The following ADGRF1 variants were observed in gnomAD, a reference collection of about 807,000 sequenced individuals.
ADGRF1 encodes adhesion G protein-coupled receptor F1.
ADGRF1 carries 85 observed loss-of-function variants against 87.2 expected under a neutral mutation model. The observed-to-expected ratio is 0.97, with a 90% CI of 0.82 to 1.17. The LOEUF (loss-of-function observed/expected upper bound fraction) is 1.17, where lower values mean the gene tolerates loss of function less well. Ranked by LOEUF, ADGRF1 falls within the 50% of genes most tolerant of loss-of-function variation. The probability of loss-of-function intolerance (pLI) is 0.00; values close to 1 mark genes in which losing one functional copy is unlikely to be tolerated. For missense variants in ADGRF1, 1,169 were observed against 1,077.2 expected (o/e 1.09, Z -1.19); for synonymous variants, 430 against 408.8 (o/e 1.05, Z -0.63).
intron 1 of ADGRF1, among the ~76,000 whole-genome samples, chr6:47,031,787 T>G (rs1183032191): frequency 6.6e-6 from 1 of 152,060 alleles, no homozygotes; most frequent in South Asian, 2.1e-4. Flanking sequence ...GGTGCAGTGG[T>G]GTAGTCATGG....
intron 7 of ADGRF1, chr6:47,018,490 A>G (rs1182941237): frequency 4.3e-5 from 55 of 1,289,652 alleles, no homozygotes; most frequent in Non-Finnish European, 5.6e-5. Context: ...CTTTGTATTG[A>G]TATGTCCATT....
At chr6:47,030,074 A>C (rs1020527644) in intron 1 of ADGRF1, among the ~76,000 whole-genome samples, 2 of 152,214 alleles carry the variant, frequency 1.3e-5, no homozygotes, top group Non-Finnish European at 2.9e-5. Context: ...AGGGCTCTCC[A>C]TCCAGCCCTT....
intron 3 of ADGRF1, 21 bp downstream of exon 3, chr6:47,027,683 T>G: frequency 6.3e-7 from 1 of 1,577,074 alleles, no homozygotes; most frequent in Non-Finnish European, 8.7e-7. Context: ...CACTGCACCA[T>G]GCTGTCTAAC....
In ADGRF1 at chr6:47,002,399, A is replaced by C. The variant is rs76755473; in HGVS notation, c.2593-832T>G. 5.7e-4 allele frequency among the ~76,000 whole-genome samples: 87 copies of C among 152,294 alleles called. 2 individuals are homozygous for C. In the East Asian group the frequency reaches 0.013, roughly 22 times the overall value. On this transcript the variant is annotated intron_variant, in intron 13 of 14. Coordinates refer to ENST00000371253, the MANE Select transcript of ADGRF1 (RefSeq NM_153840.4). ...CTGAGTTCTGAAAAAAAAAAGCTAC[A>C]AAAATAAGAATTAAAAATATTTGAA... is the stretch of plus-strand genomic sequence containing the variant.
At chr6:47,019,317 A>G (rs1481336989) in intron 7 of ADGRF1, 1 of 982,188 alleles carries the variant, frequency 1.0e-6, no homozygotes, top group Non-Finnish European at 1.2e-6. Flanking sequence ...TTGAATTTTA[A>G]AGAAAACTAT....
At chr6:47,017,402 C>T (rs1019631626) in intron 7 of ADGRF1, 3 of 152,160 alleles carry the variant, frequency 2.0e-5, no homozygotes, top group African/African-American at 7.2e-5. Flanking sequence ...AAGCAAGGTA[C>T]AGGGAACTCA....
At chr6:47,004,766 C>G (rs1403774773) in intron 13 of ADGRF1, among the ~76,000 whole-genome samples, 12 of 152,178 alleles carry the variant, frequency 7.9e-5, no homozygotes, top group Admixed American at 2.6e-4. Context: ...AGAACTTCTG[C>G]TTTGAATAAC....
At chr6:47,030,538 A>T (rs185428328) in intron 1 of ADGRF1, among the ~76,000 whole-genome samples, 206 of 151,598 alleles carry the variant, frequency 1.4e-3, no homozygotes, top group African/African-American at 3.7e-3. Flanking sequence ...CTTTCTTGAC[A>T]GGATCCCATA....
chr6:47,000,072 G>A lies in ADGRF1; in HGVS notation c.*150C>T, dbSNP rs2113872107. The A allele has an allele frequency of 3.3e-6, 2 of 602,380 alleles. No individual in the cohort carries two copies. Among genetic ancestry groups the A allele is most frequent in the Non-Finnish European group, 3.0e-6 (1 of 333,886 alleles). 37.3% of individuals were successfully genotyped at this position (602,380 alleles called of 1,614,324 possible). A position where few individuals can be genotyped will look rare whatever the true frequency, so the allele number is the denominator to read the frequency against. ...ATTTAATTGAAGACAAAAGGGAGCA[G>A]TAATGAAGCCACTGAGACATTCTTG... On this transcript the variant is annotated 3_prime_UTR_variant, in exon 15 of 15. Transcript: ENST00000371253.
chr6:47,020,319 C>G, intron 7 of ADGRF1: 1 of 930,796 alleles, frequency 1.1e-6, no homozygotes, highest in Non-Finnish European at 1.5e-6. Flanking sequence ...ATGGTGAAAC[C>G]CTGTCTCTAC....
At chr6:47,016,958 A>C in intron 7 of ADGRF1, 190 bp from the exon 8 acceptor site, 1 of 467,928 alleles carries the variant, frequency 2.1e-6, no homozygotes, top group Non-Finnish European at 3.0e-6. Flanking sequence ...TGATATATAT[A>C]TATGTATAAA....
intron 5 of ADGRF1, among the ~76,000 whole-genome samples, chr6:47,022,447 C>T (rs1214425510): frequency 6.6e-6 from 1 of 152,214 alleles, no homozygotes; most frequent in Non-Finnish European, 1.5e-5. Flanking sequence ...CCAACACATT[C>T]CTTACTTACC....
intron 1 of ADGRF1, among the ~76,000 whole-genome samples, chr6:47,034,055 T>C (rs1443984032): frequency 6.6e-6 from 1 of 152,240 alleles, no homozygotes; most frequent in Admixed American, 6.5e-5. Context: ...AGCACATTCA[T>C]GTTTATAAAC....
rs760252734 is a variant in ADGRF1, at chr6:46,999,189, G to C, written c.*1033C>G. 1.3e-5 allele frequency: 2 copies of C among 152,316 alleles called. No individual in the cohort carries two copies. Among genetic ancestry groups the C allele is most frequent in the East Asian group, 1.9e-4 (1 of 5,190 alleles). The allele number at this position is 152,316 out of a possible 1,614,324, so 9.4% of individuals were successfully genotyped here. On this transcript the variant is annotated 3_prime_UTR_variant, in exon 15 of 15. Transcript: ENST00000371253. ...CTGCTGCTTTGTATGTCATCCAAAA[G>C]TGGCACTGGCTGTACAAGAAAATAA...
At chr6:47,041,653 G>T (rs1302313617) in intron 1 of ADGRF1, among the ~76,000 whole-genome samples, 2 of 152,166 alleles carry the variant, frequency 1.3e-5, no homozygotes, top group East Asian at 3.9e-4. Context: ...CAATTCTAGG[G>T]TTTTTTGGAG....
chr6:47,028,039 G>T (rs890713206), intron 2 of ADGRF1, among the ~76,000 whole-genome samples: 1 of 152,166 alleles, frequency 6.6e-6, no homozygotes, highest in Admixed American at 6.5e-5. Flanking sequence ...GGGTCTCTGG[G>T]GAGGCAGGTT....
intron 13 of ADGRF1, among the ~76,000 whole-genome samples, chr6:47,003,503 T>A (rs568851658): frequency 6.6e-6 from 1 of 152,284 alleles, no homozygotes; most frequent in African/African-American, 2.4e-5. Context: ...TTTGCATCTC[T>A]TGCATCAAAG....
intron 8 of ADGRF1, 92 bp downstream of exon 8, chr6:47,016,525 C>T: frequency 3.7e-6 from 5 of 1,353,084 alleles, no homozygotes; most frequent in Non-Finnish European, 4.9e-6. Context: ...ATTCGTTATT[C>T]AAACGTCTCA....
chr6:47,018,343 A>T, intron 7 of ADGRF1: 1 of 1,226,188 alleles, frequency 8.2e-7, no homozygotes, highest in Non-Finnish European at 1.0e-6. Context: ...CTGAGGCCCA[A>T]TGAGAAGTTG....
Sources: gnomAD v4.1 joint callset for allele counts (sites outside exome capture counted in the v4.1 genomes callset) on GRCh38, gnomAD v4.1.1 for gene constraint, MANE v1.5 for transcripts, NCBI Gene and HGNC (gene_info 2026-07-23, HGNC 2026-07-21) for gene names.